POLK: variants seen among roughly 807,000 people sequenced by gnomAD.
POLK encodes the protein DNA polymerase kappa, also known as polymerase (DNA directed) kappa.
Under a neutral mutation model 94.0 loss-of-function variants are expected in POLK, and 76 were observed. That is an observed-to-expected ratio of 0.81 (90% CI 0.67 to 0.98). The LOEUF (loss-of-function observed/expected upper bound fraction) is 0.98, where lower values mean the gene tolerates loss of function less well. POLK is among the 50% of genes least tolerant of loss of function. The probability of loss-of-function intolerance (pLI) is 0.00; values close to 1 mark genes in which losing one functional copy is unlikely to be tolerated. For synonymous variants in POLK, 349 were observed against 325.4 expected, an observed-to-expected ratio of 1.07 and a Z score of -0.78; for missense variants, 954 against 1,010.1, an observed-to-expected ratio of 0.94 and a Z score of 0.75.
At chr5:75,609,918 A>G in the POLK span, 2 of 152,262 alleles carry the variant, frequency 1.3e-5, no homozygotes, top group East Asian at 3.8e-4. Flanking sequence ...TTGATATTAC[A>G]TAATTTACAT....
intron 1 of POLK, among the ~76,000 whole-genome samples, chr5:75,520,574 T>TG (rs1005784174): frequency 6.6e-6 from 1 of 151,796 alleles, no homozygotes; most frequent in Non-Finnish European, 1.5e-5. Context: ...AGAAAAAAAA[T>TG]TTTTTTTAGA....
intron 1 of POLK, among the ~76,000 whole-genome samples, chr5:75,545,006 A>C (rs1478423639): frequency 1.3e-5 from 2 of 152,152 alleles, no homozygotes; most frequent in Non-Finnish European, 2.9e-5. Context: ...CATCTCTTTA[A>C]AATACTCCTA....
Position 75,561,128 on chromosome 5 carries a change from C to G in POLK, c.256-8212C>G, listed in dbSNP as rs1160974417. Among the ~76,000 whole-genome samples, 3 of 152,142 alleles carry G rather than the reference C, an allele frequency of 2.0e-5. No individual in the cohort carries two copies. The East Asian group carries it at 5.8e-4, about 29-fold the overall frequency. On this transcript the variant is annotated intron_variant, in intron 3 of 14. Coordinates refer to ENST00000241436, the Ensembl canonical transcript of POLK. ...TGGTTGAACTAATTTACACTCCCAC[C>G]AACAGTGTAAAAGCATTCCTATTTC... is the stretch of plus-strand genomic sequence containing the variant.
intron 5 of POLK, among the ~76,000 whole-genome samples, chr5:75,575,938 C>T (rs972336052): frequency 6.6e-6 from 1 of 152,048 alleles, no homozygotes; most frequent in Non-Finnish European, 1.5e-5. Flanking sequence ...GAGGCAGGGT[C>T]TCACTCTGTC....
chr5:75,522,049 G>A (rs1457517025), intron 1 of POLK, among the ~76,000 whole-genome samples: 5 of 152,200 alleles, frequency 3.3e-5, no homozygotes, highest in Non-Finnish European at 7.4e-5. Flanking sequence ...ACTGGGAATG[G>A]TAGTCCTGCC....
At chr5:75,560,761 A>G (rs897424123) in intron 3 of POLK, among the ~76,000 whole-genome samples, 7 of 152,166 alleles carry the variant, frequency 4.6e-5, no homozygotes, top group Non-Finnish European at 1.0e-4. Context: ...GAGTGAGAAC[A>G]TGCAGTGTTT....
chr5:75,521,721 T>C (rs1768597047), intron 1 of POLK, among the ~76,000 whole-genome samples: 1 of 152,230 alleles, frequency 6.6e-6, no homozygotes, highest in African/African-American at 2.4e-5. Flanking sequence ...TTGGTTTTTA[T>C]TGGACATGTT....
intron 1 of POLK, among the ~76,000 whole-genome samples, chr5:75,542,636 CACATAT>C (rs1289025481): frequency 1.4e-5 from 2 of 147,632 alleles, no homozygotes; most frequent in Non-Finnish European, 3.0e-5. Flanking sequence ...CACATATATA[CACATAT>C]ACATATATAC....
chr5:75,523,377 T>G (rs1768679866), intron 1 of POLK, among the ~76,000 whole-genome samples: 1 of 152,202 alleles, frequency 6.6e-6, no homozygotes, highest in Non-Finnish European at 1.5e-5. Context: ...AGAACCATAC[T>G]GTGTAAATTG....
Position 75,566,505 on chromosome 5 carries a change from G to A in POLK, c.256-2835G>A, listed in dbSNP as rs573698360. 2.4e-4 allele frequency among the ~76,000 whole-genome samples: 36 copies of A among 152,320 alleles called. 1 individual carries two copies. Among genetic ancestry groups the A allele is most frequent in the East Asian group, 1.9e-3 (10 of 5,186 alleles). ...AGGGCCCTGGTTGTGTAGGCACCCC[G>A]TGAAATCTCCTGGTCTCCAGGTTGT... On this transcript the variant is annotated intron_variant, in intron 3 of 14. Coordinates refer to ENST00000241436, the Ensembl canonical transcript of POLK.
At chr5:75,550,322 T>A (rs965431316) in intron 2 of POLK, among the ~76,000 whole-genome samples, 4 of 152,210 alleles carry the variant, frequency 2.6e-5, no homozygotes, top group Non-Finnish European at 5.9e-5. Flanking sequence ...CTCATGCCTA[T>A]GACCCCAGCA....
At chr5:75,572,858 AAAC>A (rs1489929127) in intron 4 of POLK, among the ~76,000 whole-genome samples, 1 of 152,146 alleles carries the variant, frequency 6.6e-6, no homozygotes, top group Non-Finnish European at 1.5e-5. Context: ...AAAAGTCAGG[AAAC>A]AACAGGTGCT....
In POLK at chr5:75,522,860, TA is replaced by T. The variant is rs376023741; in HGVS notation, c.-14+10955del. 2.5e-3 allele frequency among the ~76,000 whole-genome samples: 376 copies of T among 151,022 alleles called. 2 individuals are homozygous for T. Among genetic ancestry groups the T allele is most frequent in the African/African-American group, 8.1e-3 (334 of 41,252 alleles). On this transcript the variant is annotated intron_variant, in intron 1 of 14. Transcript: ENST00000241436. Reference sequence around the variant, plus strand: ...TAGGATAGAATCAGTTTTATTCTGTTAAAAAAAAAGAATCCTTTTTTCTTTG... The same window carrying T: ...TAGGATAGAATCAGTTTTATTCTGTTAAAAAAAAGAATCCTTTTTTCTTTG...
chr5:75,603,999 A>AAG (rs1773359895), downstream of POLK, among the ~76,000 whole-genome samples: 3 of 152,200 alleles, frequency 2.0e-5, no homozygotes, highest in Non-Finnish European at 4.4e-5. Context: ...TTATCTCTGA[A>AAG]TTCCAAGTAT....
chr5:75,597,325 A>C (rs1221448683), intron 13 of POLK, 147 bp downstream of exon 13: 1 of 594,540 alleles, frequency 1.7e-6, no homozygotes, highest in Non-Finnish European at 3.0e-6. Flanking sequence ...TTACATTGCC[A>C]TAGGTTAGAA....
chr5:75,594,350 A>G (rs965479206), intron 12 of POLK, among the ~76,000 whole-genome samples: 2 of 152,170 alleles, frequency 1.3e-5, no homozygotes, highest in Middle Eastern at 3.2e-3. Flanking sequence ...TCTCGCCTTC[A>G]TTTTATTTCT....
chr5:75,563,845 T>C (rs990937276), intron 3 of POLK, among the ~76,000 whole-genome samples: 9 of 152,208 alleles, frequency 5.9e-5, no homozygotes, highest in Admixed American at 3.3e-4. Context: ...AATTGCGATG[T>C]GTTGCTGAGA....
intron 11 of POLK, among the ~76,000 whole-genome samples, chr5:75,593,234 C>T (rs1160536389): frequency 6.6e-6 from 1 of 151,772 alleles, no homozygotes; most frequent in East Asian, 1.9e-4. Flanking sequence ...TGGCTTCAAT[C>T]TATTCTCCTG....
intron 3 of POLK, among the ~76,000 whole-genome samples, chr5:75,553,771 A>G (rs1288365988): frequency 6.6e-6 from 1 of 152,180 alleles, no homozygotes; most frequent in Non-Finnish European, 1.5e-5. Flanking sequence ...AACCATTAAT[A>G]TTTCCTTATT....
Sources: gnomAD v4.1 joint callset for allele counts (sites outside exome capture counted in the v4.1 genomes callset) on GRCh38, gnomAD v4.1.1 for gene constraint, MANE v1.5 for transcripts, NCBI Gene and HGNC (gene_info 2026-07-23, HGNC 2026-07-21) for gene names.